PIK3R6: variants seen among roughly 807,000 people sequenced by gnomAD.
PIK3R6 encodes phosphoinositide-3-kinase regulatory subunit 6.
In PIK3R6, 91 loss-of-function variants were observed where a neutral mutation model predicts 84.9. The ratio of observed to expected loss-of-function variants is 1.07; its 90% CI spans 0.90 to 1.28. PIK3R6 has a LOEUF of 1.28. Among genes scored for constraint, PIK3R6 ranks in the 50% most tolerant of loss-of-function variants. The pLI, the probability that PIK3R6 is intolerant of heterozygous loss-of-function variation, is 0.00. For synonymous variants in PIK3R6, 416 were observed against 411.4 expected, an observed-to-expected ratio of 1.01 and a Z score of -0.13; for missense variants, 996 against 985.1, an observed-to-expected ratio of 1.01 and a Z score of -0.15.
At chr17:8,818,091 A>G (rs889551455) in intron 18 of PIK3R6, among the ~76,000 whole-genome samples, 2 of 152,156 alleles carry the variant, frequency 1.3e-5, no homozygotes, top group Non-Finnish European at 2.9e-5. Context: ...GATCCGCGTG[A>G]GCGGGAGGTC....
intron 1 of PIK3R6, among the ~76,000 whole-genome samples, chr17:8,866,115 G>A (rs956789649): frequency 6.6e-6 from 1 of 152,092 alleles, no homozygotes; most frequent in South Asian, 2.1e-4. Flanking sequence ...GGGCAACTTG[G>A]GCTGCTTGCT....
Position 8,803,231 on chromosome 17 carries a change from G to C in PIK3R6, c.*42C>G. ...TTGGTGTGAGTGTTTGGAGTTGGTGGGGTAGTGTATCCTTCCTCCTGGGCC... is the reference window on the plus strand; with the variant it reads ...TTGGTGTGAGTGTTTGGAGTTGGTGCGGTAGTGTATCCTTCCTCCTGGGCC... On this transcript the variant is annotated 3_prime_UTR_variant, in exon 20 of 20. Transcript: ENST00000619866. The surrounding 1 kb of genome is among the most constrained non-coding windows in gnomAD (Gnocchi z 5.0). The C allele has an allele frequency of 6.2e-7, 1 of 1,608,862 alleles. No homozygotes were observed. Among genetic ancestry groups the C allele is most frequent in the Non-Finnish European group, 8.5e-7 (1 of 1,177,618 alleles).
At chr17:8,865,258 C>T (rs367965828) in intron 1 of PIK3R6, among the ~76,000 whole-genome samples, 1 of 152,098 alleles carries the variant, frequency 6.6e-6, no homozygotes. Flanking sequence ...GTGCCCCCAT[C>T]CCCCCAGCTC....
At chr17:8,833,075 CT>C (rs1368050670) in intron 8 of PIK3R6, 30 bp from the exon 9 acceptor site, 1 of 1,533,632 alleles carries the variant, frequency 6.5e-7, no homozygotes, top group African/African-American at 1.4e-5. Flanking sequence ...GAGCCTGGGT[CT>C]TGGCCCAGCG....
At chr17:8,832,507 C>T (rs1474490308) in intron 9 of PIK3R6, among the ~76,000 whole-genome samples, 1 of 149,866 alleles carries the variant, frequency 6.7e-6, no homozygotes, top group African/African-American at 2.5e-5. Context: ...CTCAGCATCC[C>T]GAGTAGCTGG....
chr17:8,840,205 CAA>C (rs968506914), intron 2 of PIK3R6, among the ~76,000 whole-genome samples: 2 of 142,062 alleles, frequency 1.4e-5, no homozygotes, highest in African/African-American at 5.3e-5. Context: ...ATATAGCCTC[CAA>C]ATATATATAT....
At chr17:8,828,226 C>A (rs373060073) in intron 11 of PIK3R6, 36 bp from the exon 12 acceptor site, 27 of 1,597,498 alleles carry the variant, frequency 1.7e-5, no homozygotes, top group East Asian at 6.7e-5. Flanking sequence ...AGGTTAGGGG[C>A]GGGGCTTGGC....
intron 4 of PIK3R6, 27 bp from the exon 5 acceptor site, chr17:8,837,898 GTAT>G: frequency 6.2e-7 from 1 of 1,601,568 alleles, no homozygotes; most frequent in Non-Finnish European, 8.6e-7. Flanking sequence ...CACGTGACAG[GTAT>G]TGGGCTGGGG....
At chr17:8,863,525 C>T (rs1352987810) in intron 1 of PIK3R6, among the ~76,000 whole-genome samples, 1 of 151,998 alleles carries the variant, frequency 6.6e-6, no homozygotes, top group Non-Finnish European at 1.5e-5. Flanking sequence ...CCCCCAACCC[C>T]CAAGTGTGTG....
intron 5 of PIK3R6, among the ~76,000 whole-genome samples, chr17:8,837,317 C>G (rs1168566550): frequency 6.6e-6 from 1 of 152,038 alleles, no homozygotes; most frequent in Admixed American, 6.5e-5. Context: ...CTGAAATGCT[C>G]CACAGTGCCC....
intron 1 of PIK3R6, among the ~76,000 whole-genome samples, chr17:8,851,292 T>TG (rs1186965441): frequency 2.0e-5 from 3 of 151,936 alleles, no homozygotes; most frequent in Non-Finnish European, 4.4e-5. Flanking sequence ...GGTCAGGAGA[T>TG]GGAGATCATC....
At chr17:8,853,205 G>T (rs952345557) in intron 1 of PIK3R6, among the ~76,000 whole-genome samples, 1 of 151,832 alleles carries the variant, frequency 6.6e-6, no homozygotes, top group African/African-American at 2.4e-5. Flanking sequence ...AAATATTTAG[G>T]TGGGGCGCAG....
chr17:8,809,712 T>C (rs1251612311), intron 18 of PIK3R6, among the ~76,000 whole-genome samples: 1 of 152,124 alleles, frequency 6.6e-6, no homozygotes, highest in East Asian at 1.9e-4. Flanking sequence ...GGGGGATCAA[T>C]AAGATATGGG....
At chr17:8,828,237 T>G in intron 11 of PIK3R6, 47 bp from the exon 12 acceptor site, 1 of 1,571,718 alleles carries the variant, frequency 6.4e-7, no homozygotes, top group Middle Eastern at 1.7e-4. Context: ...GGGGCTTGGC[T>G]TCAAACAGAC....
At chr17:8,840,328 A>G (rs2088634042) in intron 2 of PIK3R6, among the ~76,000 whole-genome samples, 1 of 135,970 alleles carries the variant, frequency 7.4e-6, no homozygotes, top group Admixed American at 7.7e-5. Flanking sequence ...TAGCCTCCAA[A>G]TATGTATATG....
chr17:8,828,197 A>G lies in PIK3R6; in HGVS notation c.1314-7T>C. On this transcript the variant is annotated splice_polypyrimidine_tract_variant and splice_region_variant and intron_variant, in intron 11 of 19. Coordinates refer to ENST00000619866, the MANE Select transcript of PIK3R6 (RefSeq NM_001010855.4). Reference sequence around the variant, plus strand: ...CTTCTGGGTCTCCCGTTTCCTAGCAATGGGCAGCAAAGCAGAGGAGGTTAG... The same window carrying G: ...CTTCTGGGTCTCCCGTTTCCTAGCAGTGGGCAGCAAAGCAGAGGAGGTTAG... The G allele has an allele frequency of 6.2e-7, 1 of 1,613,640 alleles. No homozygotes were observed. Among genetic ancestry groups the G allele is most frequent in the South Asian group, 1.1e-5 (1 of 91,076 alleles).
chr17:8,849,617 A>G (rs1283317036), intron 2 of PIK3R6, among the ~76,000 whole-genome samples, 165 bp downstream of exon 2: 3 of 150,908 alleles, frequency 2.0e-5, no homozygotes, highest in East Asian at 2.0e-4. Context: ...TAGATGTCCA[A>G]CTCTCAAGAT....
chr17:8,807,365 G>A (rs2087235087), intron 18 of PIK3R6, among the ~76,000 whole-genome samples: 1 of 152,194 alleles, frequency 6.6e-6, no homozygotes, highest in Non-Finnish European at 1.5e-5. Flanking sequence ...TGAGTCTAGG[G>A]AGTTTGCAGG....
chr17:8,813,946 G>T (rs111974997), intron 18 of PIK3R6, among the ~76,000 whole-genome samples: 3,448 of 152,214 alleles, frequency 0.023, 129 homozygotes, highest in African/African-American at 0.076. Flanking sequence ...ATCCAAATTG[G>T]AAAAGAGAAA....
Sources: allele counts gnomAD v4.1 joint callset (sites outside exome capture counted in the v4.1 genomes callset), GRCh38; gene constraint gnomAD v4.1.1; non-coding constraint Gnocchi (gnomAD v3.1); transcripts MANE v1.5; gene names NCBI Gene and HGNC (gene_info 2026-07-23, HGNC 2026-07-21).